NFIB: variants seen among roughly 807,000 people sequenced by gnomAD.
The protein encoded by NFIB is nuclear factor I B.
NFIB carries 11 observed loss-of-function variants against 61.5 expected under a neutral mutation model. That is an observed-to-expected ratio of 0.18 (90% CI 0.11 to 0.30). The LOEUF (loss-of-function observed/expected upper bound fraction) is 0.30. NFIB is among the 10% of genes least tolerant of loss of function. The pLI, the probability that NFIB is intolerant of heterozygous loss-of-function variation, is 1.00. For synonymous variants in NFIB, 260 were observed against 216.5 expected (o/e 1.20, Z -1.76); for missense variants, 471 against 608.9 (o/e 0.77, Z 2.38).
intron 2 of NFIB, among the ~76,000 whole-genome samples, chr9:14,270,307 C>T (rs2057502056): frequency 6.6e-6 from 1 of 152,016 alleles, no homozygotes; most frequent in South Asian, 2.1e-4. Flanking sequence ...TTAGTATAAA[C>T]ATTCCTGGAA....
chr9:14,161,152 T>A (rs2044157915), intron 3 of NFIB, among the ~76,000 whole-genome samples: 1 of 152,194 alleles, frequency 6.6e-6, no homozygotes, highest in South Asian at 2.1e-4. Context: ...AATTTTCTGG[T>A]AGTGATGTTA....
At chr9:14,192,582 G>C (rs1021085269) in intron 2 of NFIB, among the ~76,000 whole-genome samples, 17 of 152,178 alleles carry the variant, frequency 1.1e-4, no homozygotes, top group African/African-American at 3.9e-4. Context: ...GGAATTTGGA[G>C]GGTGGGAAGA....
Position 14,168,005 on chromosome 9 carries a change from TCATCAGTATGCTA to T in NFIB, c.616+11709_616+11721del, listed in dbSNP as rs542464925. On this transcript the variant is annotated intron_variant, in intron 3 of 10. Transcript: ENST00000380953. ...GTCAGATACCTCTCTACAAAATTCA[TCATCAGTATGCTA>T]CATAAGATGAGGAGTTCAGAAAAAT... Among the ~76,000 whole-genome samples, 216 of 152,328 alleles carry T rather than the reference TCATCAGTATGCTA, an allele frequency of 1.4e-3. 1 individual carries two copies. Among genetic ancestry groups the T allele is most frequent in the Admixed American group, 3.5e-3 (53 of 15,300 alleles).
chr9:14,190,342 CT>C (rs1453336793), intron 2 of NFIB, among the ~76,000 whole-genome samples: 30 of 152,236 alleles, frequency 2.0e-4, no homozygotes, highest in Admixed American at 1.8e-3. Flanking sequence ...GCATAGCCTA[CT>C]TTCTACAAAG....
chr9:14,182,021 G>C (rs1198006535), intron 2 of NFIB, among the ~76,000 whole-genome samples: 1 of 152,172 alleles, frequency 6.6e-6, no homozygotes, highest in Admixed American at 6.5e-5. Flanking sequence ...AGAATGAAAA[G>C]TCTCTTCCAT....
At chr9:14,097,916 A>G (rs988896335) in intron 10 of NFIB, among the ~76,000 whole-genome samples, 1 of 130,592 alleles carries the variant, frequency 7.7e-6, no homozygotes, top group Admixed American at 9.2e-5. Flanking sequence ...CTGACCAACC[A>G]GATCCAAATA....
intron 2 of NFIB, among the ~76,000 whole-genome samples, chr9:14,229,922 C>G (rs980598947): frequency 6.6e-6 from 1 of 152,210 alleles, no homozygotes; most frequent in Non-Finnish European, 1.5e-5. Flanking sequence ...CTGCCTCAGC[C>G]TCCCGAGTAG....
At position 14,083,354 on chromosome 9, in the gene NFIB, A is replaced by T; in HGVS notation, c.*4955T>A. 4.4e-6 allele frequency: 1 copy of T among 225,974 alleles called. No individual in the cohort carries two copies. The highest frequency in any genetic ancestry group is 5.7e-5 in the Admixed American group (1 of 17,516). 14.0% of individuals were successfully genotyped at this position (225,974 alleles called of 1,614,324 possible). ...CACTCCACCCACACAATTTTAGGGA[A>T]TTAGAAAAAACAGGGGAACTACCAG... On this transcript the variant is annotated 3_prime_UTR_variant, in exon 11 of 11. Coordinates refer to ENST00000380953, the MANE Select transcript of NFIB (RefSeq NM_001190737.2).
upstream of NFIB, among the ~76,000 whole-genome samples, chr9:14,319,046 GCC>G (rs1427362508): frequency 6.6e-6 from 1 of 151,946 alleles, no homozygotes; most frequent in African/African-American, 2.4e-5. Flanking sequence ...CCCATTGCTA[GCC>G]CTTTGCACTG....
At chr9:14,487,138 T>G in the NFIB span, among the ~76,000 whole-genome samples, 99 of 152,320 alleles carry the variant, frequency 6.5e-4, no homozygotes, top group Non-Finnish European at 5.7e-4. Context: ...TCTTCCAATT[T>G]TGGGTAATTA....
At chr9:14,422,545 A>G in the NFIB span, among the ~76,000 whole-genome samples, 1 of 152,228 alleles carries the variant, frequency 6.6e-6, no homozygotes, top group Non-Finnish European at 1.5e-5. Flanking sequence ...AATTACTTTA[A>G]GAAGGCAATA....
At chr9:14,213,040 A>C (rs906262148) in intron 2 of NFIB, among the ~76,000 whole-genome samples, 1 of 152,250 alleles carries the variant, frequency 6.6e-6, no homozygotes, top group Non-Finnish European at 1.5e-5. Context: ...CAAAAATTAT[A>C]CATCAATCAT....
intron 3 of NFIB, among the ~76,000 whole-genome samples, chr9:14,171,367 C>G (rs1240334962): frequency 6.6e-6 from 1 of 152,164 alleles, no homozygotes; most frequent in Non-Finnish European, 1.5e-5. Flanking sequence ...CTTATATTCC[C>G]TGGGAAGGGG....
At chr9:14,141,519 A>G (rs1367862856) in intron 6 of NFIB, among the ~76,000 whole-genome samples, 1 of 152,126 alleles carries the variant, frequency 6.6e-6, no homozygotes, top group African/African-American at 2.4e-5. Flanking sequence ...AATCTTATTT[A>G]TTTTAGTCCC....
At chr9:14,521,173 T>C in the NFIB span, among the ~76,000 whole-genome samples, 1 of 152,216 alleles carries the variant, frequency 6.6e-6, no homozygotes, top group Non-Finnish European at 1.5e-5. Context: ...TTCAAATTTC[T>C]TGAAAGGAGA....
At chr9:14,304,584 G>A (rs1169886221) in intron 2 of NFIB, among the ~76,000 whole-genome samples, 1 of 152,176 alleles carries the variant, frequency 6.6e-6, no homozygotes, top group African/African-American at 2.4e-5. Context: ...TTTAGAAGTG[G>A]GGAGAGAGAA....
intron 10 of NFIB, among the ~76,000 whole-genome samples, chr9:14,095,095 A>C (rs1005452025): frequency 3.3e-5 from 5 of 152,166 alleles, no homozygotes; most frequent in African/African-American, 9.6e-5. Context: ...TTTAGTAAAA[A>C]ACTCTTACAT....
chr9:14,434,453 C>T, the NFIB span, among the ~76,000 whole-genome samples: 1 of 152,104 alleles, frequency 6.6e-6, no homozygotes, highest in Non-Finnish European at 1.5e-5. Context: ...TTAGGCAGCA[C>T]AACAATAAAA....
At chr9:14,394,094 A>G (rs1021336163) in intron 1 of NFIB, among the ~76,000 whole-genome samples, 9 of 152,220 alleles carry the variant, frequency 5.9e-5, no homozygotes, top group African/African-American at 1.9e-4. Context: ...TGCCTACCAC[A>G]TGCCAGGTGT....
Sources: allele counts gnomAD v4.1 joint callset (sites outside exome capture counted in the v4.1 genomes callset), GRCh38; gene constraint gnomAD v4.1.1; transcripts MANE v1.5; gene names NCBI Gene and HGNC (gene_info 2026-07-23, HGNC 2026-07-21).